FOXA2: variants seen among roughly 807,000 people sequenced by gnomAD.
FOXA2 encodes hepatocyte nuclear factor 3-beta.
FOXA2 carries 9 observed loss-of-function variants against 33.3 expected under a neutral mutation model. The ratio of observed to expected loss-of-function variants is 0.27; its 90% CI spans 0.16 to 0.47. The LOEUF (loss-of-function observed/expected upper bound fraction) is 0.47. Ranked by LOEUF, FOXA2 falls within the 20% of genes least tolerant of loss-of-function variation. FOXA2 has a pLI of 0.99. For missense variants in FOXA2, 704 were observed against 659.9 expected (o/e 1.07, Z -0.73); for synonymous variants, 329 against 289.4 (o/e 1.14, Z -1.39).
In FOXA2 at chr20:22,581,682, G is replaced by T; in HGVS notation, c.*168C>A. 1.6e-6 allele frequency: 1 copy of T among 622,914 alleles called. No homozygotes were observed. The highest frequency in any genetic ancestry group is 2.7e-5 in the East Asian group (1 of 36,480). 38.6% of individuals were successfully genotyped at this position (622,914 alleles called of 1,614,324 possible). ...CTGTTTGGGACGGAACGGCTGCAGC[G>T]GGTGAAGAAGACTGCTGTCTTGGGG... On this transcript the variant is annotated 3_prime_UTR_variant, in exon 2 of 2. Coordinates refer to ENST00000419308, the MANE Select transcript of FOXA2 (RefSeq NM_021784.5).
intron 1 of FOXA2, 81 bp downstream of exon 1, chr20:22,584,111 C>A: frequency 7.3e-7 from 1 of 1,375,270 alleles, no homozygotes; most frequent in Non-Finnish European, 1.0e-6. Context: ...TGGGGGGGTG[C>A]CAGCGAGGGA....
At position 22,582,389 on chromosome 20, in the gene FOXA2, C is replaced by T; in HGVS notation, c.853G>A (p.Gly285Arg). Reference protein sequence around the residue: ...AAGSGKKAAAGAQASQAQLGE... With the variant: ...AAGSGKKAAARAQASQAQLGE... The stretch of plus-strand genomic sequence containing the variant: ...AGTTGAGCCTGTGAGGCCTGGGCTC[C>T]GGCGGCCGCCTTCTTGCCGCTGCCG... Residue 285 changes from glycine to arginine, a missense_variant, in exon 2 of 2, where the codon GGA becomes AGA. Gly to Arg is a moderately radical substitution (Grantham distance 125). Transcript: ENST00000419308. 2 of 1,543,882 alleles carry T rather than the reference C, an allele frequency of 1.3e-6. No individual in the cohort carries two copies. The highest frequency in any genetic ancestry group is 1.2e-5 in the South Asian group (1 of 80,378).
At chr20:22,585,024 GGAGGGACCT>G (rs1427369201), upstream of FOXA2, among the ~76,000 whole-genome samples, 23 of 152,108 alleles carry the variant, frequency 1.5e-4, no homozygotes, top group Admixed American at 5.2e-4. Context: ...CCCTGAGGAA[GGAGGGACCT>G]GGGAGGAAAC....
In FOXA2 at chr20:22,583,143, G is replaced by C. The variant is rs776794043; in HGVS notation, c.99C>G (p.Ser33=). ...CCAGGCCGGCGTTCATGTTGCTCAC[G>C]GAGGAGTAGCCCTGCGGACAGAGCC... is the stretch of plus-strand genomic sequence containing the variant. ...SYYAEPEGYS[S]VSNMNAGLGM... The change falls in exon 2 of 2, where the codon TCC becomes TCG. Residue 33 remains serine, a synonymous_variant. Coordinates refer to ENST00000419308, the MANE Select transcript of FOXA2 (RefSeq NM_021784.5). 6 of 1,602,168 alleles carry C rather than the reference G, an allele frequency of 3.7e-6. No homozygotes were observed. The East Asian group carries it at 1.3e-4, about 36-fold the overall frequency.
rs1174954192 is a variant in FOXA2, at chr20:22,582,798, C to T, written c.444G>A (p.Leu148=). The T allele has an allele frequency of 2.5e-6, 4 of 1,613,786 alleles. No individual in the cohort carries two copies. The highest frequency in any genetic ancestry group is 2.2e-5 in the East Asian group (1 of 44,820). Residue 148 remains leucine, a synonymous_variant, in exon 2 of 2, where the codon CTG becomes CTA. Transcript: ENST00000419308. ...AGGTCTTGGGGTCGCGGGCGCGGCT[C>T]AGGCCCGCCTGCCCGTACATGGGGC... ...SMSPMYGQAG[L]SRARDPKTYR...
In FOXA2 at chr20:22,582,419, C is replaced by A. The variant is rs754831973; in HGVS notation, c.823G>T (p.Ala275Ser). The A allele has an allele frequency of 1.3e-6, 2 of 1,577,830 alleles. No individual in the cohort carries two copies. Among genetic ancestry groups the A allele is most frequent in the African/African-American group, 1.4e-5 (1 of 73,164 alleles). Reference sequence around the variant, plus strand: ...GCCGCCTTCTTGCCGCTGCCGGCGGCGCCTGCGGCCTCCTTCAGCGCCAGC... The same window carrying A: ...GCCGCCTTCTTGCCGCTGCCGGCGGAGCCTGCGGCCTCCTTCAGCGCCAGC... ...KQLALKEAAG[A>S]AGSGKKAAAG... Residue 275 changes from alanine (A) to serine (S), a missense_variant, in exon 2 of 2, where the codon GCC (alanine) becomes TCC (serine). Coordinates refer to ENST00000419308, the MANE Select transcript of FOXA2 (RefSeq NM_021784.5).
At chr20:22,584,893 G>A (rs1600435784), upstream of FOXA2, among the ~76,000 whole-genome samples, 2 of 152,084 alleles carry the variant, frequency 1.3e-5, no homozygotes, top group Non-Finnish European at 1.5e-5. Flanking sequence ...AGCGCCTGCC[G>A]TCCGCCCCAC....
In FOXA2 at chr20:22,584,506, C is replaced by T. The variant is rs2122999108; in HGVS notation, c.-228G>A. On this transcript the variant is annotated 5_prime_UTR_variant, in exon 1 of 2. Coordinates refer to ENST00000419308, the MANE Select transcript of FOXA2 (RefSeq NM_021784.5). The stretch of plus-strand genomic sequence containing the variant: ...GAGCGGAGGAGGCCCAGGCCAGCGC[C>T]CCGCGGTAGGGAGCACCCGCCGCCG... 1 of 545,010 alleles carries T rather than the reference C, an allele frequency of 1.8e-6. No individual in the cohort carries two copies. The highest frequency in any genetic ancestry group is 3.2e-5 in the East Asian group (1 of 31,498). 33.8% of individuals were successfully genotyped at this position (545,010 alleles called of 1,614,324 possible). A position where few individuals can be genotyped will look rare whatever the true frequency, so the allele number is the denominator to read the frequency against.
At chr20:22,584,107 G>C (rs1176203799) in intron 1 of FOXA2, 85 bp downstream of exon 1, 3 of 1,312,274 alleles carry the variant, frequency 2.3e-6, no homozygotes, top group African/African-American at 2.9e-5. Context: ...GGGGTGGGGG[G>C]GTGCCAGCGA....
At position 22,582,205 on chromosome 20, in the gene FOXA2, C is replaced by T. The variant is rs563473069; in HGVS notation, c.1037G>A (p.Gly346Glu). Residue 346 changes from glycine to glutamate, a missense_variant, in exon 2 of 2, where the codon GGG becomes GAG. Gly to Glu is a moderately conservative substitution (Grantham distance 98, BLOSUM62 -2). Transcript: ENST00000419308. ...LSPPEPAPSP[G>E]QQQQAAAHLL... ...GTGGGCCGCGGCCTGCTGCTGCTGC[C>T]CGGGAGAGGGCGCCGGCTCTGGGGG... 3.2e-6 allele frequency: 5 copies of T among 1,547,150 alleles called. No individual in the cohort carries two copies. Among genetic ancestry groups the T allele is most frequent in the South Asian group, 1.2e-5 (1 of 83,936 alleles).
rs1984629676 is a variant in FOXA2 at position 22,582,874 on chromosome 20, G to A, written c.368C>T (p.Ala123Val). 1.9e-6 allele frequency: 3 copies of A among 1,576,486 alleles called. No individual in the cohort carries two copies. Among genetic ancestry groups the A allele is most frequent in the African/African-American group, 1.4e-5 (1 of 73,712 alleles). ...GGCCAGGCCGCCCATGGCCCCGGCC[G>A]CCTGCCCCCCGAGCGGGCTCAGGCT... ...SPSLSPLGGQ[A>V]AGAMGGLAPY... is the part of the protein sequence containing the mutation. Residue 123 changes from alanine to valine, a missense_variant, in exon 2 of 2, where the codon GCG becomes GTG. Ala to Val is a moderately conservative substitution (Grantham distance 64). Transcript: ENST00000419308.
chr20:22,584,528 G>A lies in FOXA2; in HGVS notation c.-250C>T, dbSNP rs1568717917. On this transcript the variant is annotated 5_prime_UTR_variant, in exon 1 of 2. Transcript: ENST00000419308. ...CGCCCCGCGGTAGGGAGCACCCGCC[G>A]CCGCCGCGCTCACGGGCTGCCGGGT... The A allele has an allele frequency of 8.3e-6, 4 of 481,496 alleles. No homozygotes were observed. The highest frequency in any genetic ancestry group is 1.5e-5 in the Non-Finnish European group (4 of 269,128). 29.8% of individuals were successfully genotyped at this position (481,496 alleles called of 1,614,324 possible).
In FOXA2 at chr20:22,582,930, G is replaced by T. The variant is rs1435565543; in HGVS notation, c.312C>A (p.Gly104=). Residue 104 remains glycine (G), a synonymous_variant, in exon 2 of 2, where the codon GGC becomes GGA. Coordinates refer to ENST00000419308, the MANE Select transcript of FOXA2 (RefSeq NM_021784.5). ...AGMGGSAGAA[G]VAGMGPHLSP... is the part of the protein sequence containing the mutation. ...TCAAGTGCGGCCCCATGCCCGCCAC[G>T]CCGGCCGCCCCGGCCGAGCCGCCCA... The T allele has an allele frequency of 3.3e-6, 5 of 1,523,664 alleles. No individual in the cohort carries two copies. In the South Asian group the frequency reaches 6.2e-5, roughly 19 times the overall value. 94.4% of individuals were successfully genotyped at this position (1,523,664 alleles called of 1,614,324 possible). A position where few individuals can be genotyped will look rare whatever the true frequency, so the allele number is the denominator to read the frequency against.
chr20:22,585,481 A>C (rs570815274), upstream of FOXA2: 1 of 152,172 alleles, frequency 6.6e-6, no homozygotes, highest in Admixed American at 6.5e-5. Context: ...GGAGGCTGAG[A>C]TTTGTCTCTG....
chr20:22,584,097 G>T, intron 1 of FOXA2, 95 bp downstream of exon 1: 1 of 1,212,746 alleles, frequency 8.2e-7, no homozygotes, highest in South Asian at 1.2e-5. Flanking sequence ...GTTGTGGGGC[G>T]GGGTGGGGGG....
rs1394955546 is a variant in FOXA2, at chr20:22,582,208, G to A, written c.1034C>T (p.Pro345Leu). The change falls in exon 2 of 2, where the codon CCC becomes CTC. Residue 345 changes from proline to leucine, a missense_variant. Physicochemically the swap from Pro to Leu is moderately conservative, Grantham distance 98. Transcript: ENST00000419308. ...GGCCGCGGCCTGCTGCTGCTGCCCG[G>A]GAGAGGGCGCCGGCTCTGGGGGGCT... ...ALSPPEPAPS[P>L]GQQQQAAAHL... The A allele has an allele frequency of 1.3e-6, 2 of 1,545,820 alleles. No individual in the cohort carries two copies. The highest frequency in any genetic ancestry group is 1.7e-6 in the Non-Finnish European group (2 of 1,144,094).
chr20:22,584,636 G>A (rs1984708333), upstream of FOXA2, among the ~76,000 whole-genome samples: 2 of 149,576 alleles, frequency 1.3e-5, no homozygotes. Flanking sequence ...GTGGGGAGGA[G>A]GAGGAGGAAG....
In FOXA2 at chr20:22,582,843, G is replaced by A. The variant is rs151323690; in HGVS notation, c.399C>T (p.Tyr133=). ...TGGGGCTCATGGAGTTCATGTTGGCGTAGGGGGCCAGGCCGCCCATGGCCC... is the reference window on the plus strand; with the variant it reads ...TGGGGCTCATGGAGTTCATGTTGGCATAGGGGGCCAGGCCGCCCATGGCCC... ...AAGAMGGLAP[Y]ANMNSMSPMY... Residue 133 remains tyrosine, a synonymous_variant, in exon 2 of 2, where the codon TAC becomes TAT. Coordinates refer to ENST00000419308, the MANE Select transcript of FOXA2 (RefSeq NM_021784.5). The A allele has an allele frequency of 1.9e-6, 3 of 1,603,468 alleles. No individual in the cohort carries two copies. Among genetic ancestry groups the A allele is most frequent in the Non-Finnish European group, 2.6e-6 (3 of 1,174,176 alleles).
intron 1 of FOXA2, 62 bp from the exon 2 acceptor site, chr20:22,583,216 A>T: frequency 6.4e-7 from 1 of 1,574,788 alleles, no homozygotes; most frequent in South Asian, 1.1e-5. Context: ...GGGTGCCCAG[A>T]CCTCCCACCC....
Sources: allele counts gnomAD v4.1 joint callset (sites outside exome capture counted in the v4.1 genomes callset), GRCh38; gene constraint gnomAD v4.1.1; transcripts MANE v1.5; gene names NCBI Gene and HGNC (gene_info 2026-07-23, HGNC 2026-07-21).